Variants in NFIB observed in about 807,000 individuals in gnomAD.
The protein encoded by NFIB is nuclear factor I B.
NFIB carries 11 observed loss-of-function variants against 61.5 expected under a neutral mutation model. The observed-to-expected ratio is 0.18, with a 90% CI of 0.11 to 0.30. The LOEUF is 0.30. Ranked by LOEUF, NFIB falls within the 10% of genes least tolerant of loss-of-function variation. NFIB has a pLI of 1.00. For missense variants in NFIB, 471 were observed against 608.9 expected (o/e 0.77, Z 2.38); for synonymous variants, 260 against 216.5 (o/e 1.20, Z -1.76).
chr9:14,089,340 C>T (rs10961377), intron 10 of NFIB, among the ~76,000 whole-genome samples: 7,464 of 148,856 alleles, frequency 0.05, 559 homozygotes, highest in East Asian at 0.35. Context: ...GTTCAACTTT[C>T]GCCTATGCTG....
chr9:14,322,330 CATGTAT>C (rs2060681487), intron 1 of NFIB: 15 of 272,392 alleles, frequency 5.5e-5, no homozygotes, highest in Non-Finnish European at 8.9e-5. Flanking sequence ...TGCGTGTGTG[CATGTAT>C]GTGTGTGTGT....
At chr9:14,134,928 G>GAAAAA (rs2040864413) in intron 6 of NFIB, among the ~76,000 whole-genome samples, 1 of 126,178 alleles carries the variant, frequency 7.9e-6, no homozygotes, top group South Asian at 2.9e-4. Flanking sequence ...AAAGGAAATT[G>GAAAAA]AAGGATATGG....
chr9:14,474,784 T>C, the NFIB span, among the ~76,000 whole-genome samples: 4 of 152,174 alleles, frequency 2.6e-5, no homozygotes, highest in Non-Finnish European at 5.9e-5. Flanking sequence ...CAAATTCCAT[T>C]AGACCTTAAG....
intron 2 of NFIB, among the ~76,000 whole-genome samples, chr9:14,232,777 T>A (rs924655261): frequency 1.3e-5 from 2 of 152,236 alleles, no homozygotes; most frequent in Non-Finnish European, 2.9e-5. Context: ...AGCAAGTTCT[T>A]ATAATGAGTT....
At chr9:14,365,651 A>G (rs1168222547) in intron 1 of NFIB, among the ~76,000 whole-genome samples, 3 of 152,188 alleles carry the variant, frequency 2.0e-5, no homozygotes, top group African/African-American at 7.2e-5. Flanking sequence ...GACTGGCTGG[A>G]TTTTCTATTC....
rs376457276 is a variant in NFIB at position 14,271,409 on chromosome 9, C to T, written c.562+35580G>A. ...GAAAGAGTACTTTAGAAAAACTGTG[C>T]AGCTATTAGCAAGTGAAGCACAAGG... On this transcript the variant is annotated intron_variant, in intron 2 of 10. Coordinates refer to ENST00000380953, the MANE Select transcript of NFIB (RefSeq NM_001190737.2). Among the ~76,000 whole-genome samples, 7 of 152,198 alleles carry T rather than the reference C, an allele frequency of 4.6e-5. No individual in the cohort carries two copies. The East Asian group carries it at 5.8e-4, about 13-fold the overall frequency.
chr9:14,291,345 T>C (rs1271011170), intron 2 of NFIB, among the ~76,000 whole-genome samples: 1 of 151,800 alleles, frequency 6.6e-6, no homozygotes, highest in Non-Finnish European at 1.5e-5. Flanking sequence ...ATTAGCCAGG[T>C]GTGGTGGTAT....
intron 2 of NFIB, among the ~76,000 whole-genome samples, chr9:14,282,833 G>T (rs1344003431): frequency 6.6e-6 from 1 of 152,168 alleles, no homozygotes; most frequent in Non-Finnish European, 1.5e-5. Context: ...TCAAATACTT[G>T]TTCCTCCTTT....
chr9:14,152,271 G>C (rs561917381), intron 4 of NFIB, among the ~76,000 whole-genome samples: 6 of 152,190 alleles, frequency 3.9e-5, no homozygotes, highest in African/African-American at 1.4e-4. Flanking sequence ...TGTATCCAAT[G>C]AGTAACTAAG....
chr9:14,213,847 C>G (rs1017510470), intron 2 of NFIB, among the ~76,000 whole-genome samples: 1 of 152,106 alleles, frequency 6.6e-6, no homozygotes, highest in Non-Finnish European at 1.5e-5. Flanking sequence ...TCCCTGTGTC[C>G]TAAAACTGTA....
rs1291042539 is a variant in NFIB, at chr9:14,307,025, G to T, written c.526C>A (p.Leu176Ile). 1 of 1,614,130 alleles carries T rather than the reference G, an allele frequency of 6.2e-7. No homozygotes were observed. The highest frequency in any genetic ancestry group is 1.1e-5 in the South Asian group (1 of 91,072). Residue 176 changes from leucine to isoleucine, a missense_variant, in exon 2 of 11, where the codon CTT (leucine) becomes ATT (isoleucine). Transcript: ENST00000380953. This position sits in a 1 kb window ranked among gnomAD's most constrained non-coding sequence, Gnocchi z 5.3. ...ACGTAGTATGCCAAAAACAAATCAA[G>T]CTCCTTAACTGATACTGTGATATGA... Reference protein sequence around the residue: ...PHHITVSVKELDLFLAYYVQE... With the variant: ...PHHITVSVKEIDLFLAYYVQE...
At chr9:14,097,994 C>A (rs2035137361) in intron 10 of NFIB, among the ~76,000 whole-genome samples, 1 of 147,632 alleles carries the variant, frequency 6.8e-6, no homozygotes, top group Non-Finnish European at 1.5e-5. Context: ...TAATAAACGA[C>A]AATTTCTTAG....
At chr9:14,295,451 C>T (rs945224466) in intron 2 of NFIB, among the ~76,000 whole-genome samples, 2 of 151,884 alleles carry the variant, frequency 1.3e-5, no homozygotes, top group Admixed American at 1.3e-4. Flanking sequence ...ACTGTGAAAC[C>T]CCGTCTCTAC....
the NFIB span, among the ~76,000 whole-genome samples, chr9:14,453,535 C>A: frequency 6.6e-6 from 1 of 152,156 alleles, no homozygotes; most frequent in African/African-American, 2.4e-5. Context: ...GGTATGGAGA[C>A]AGAATTACAA....
chr9:14,267,348 T>A (rs370546975), intron 2 of NFIB, among the ~76,000 whole-genome samples: 22 of 152,328 alleles, frequency 1.4e-4, no homozygotes, highest in African/African-American at 4.8e-4. Flanking sequence ...GCAAAATGCT[T>A]CTTATAGATA....
At chr9:14,445,323 A>T in the NFIB span, among the ~76,000 whole-genome samples, 1 of 152,030 alleles carries the variant, frequency 6.6e-6, no homozygotes, top group South Asian at 2.1e-4. Flanking sequence ...TAGAATCTAC[A>T]GTACAAGTTT....
At chr9:14,337,284 T>G (rs1357317267) in intron 1 of NFIB, among the ~76,000 whole-genome samples, 2 of 152,196 alleles carry the variant, frequency 1.3e-5, no homozygotes, top group Non-Finnish European at 2.9e-5. Flanking sequence ...TGCATTGTAT[T>G]ATTTATATAC....
chr9:14,280,572 AAC>A, intron 2 of NFIB, among the ~76,000 whole-genome samples: 1 of 152,154 alleles, frequency 6.6e-6, no homozygotes, highest in Non-Finnish European at 1.5e-5. Flanking sequence ...TTCAATTTAT[AAC>A]ACACCTTAAA....
At chr9:14,491,067 A>T in the NFIB span, among the ~76,000 whole-genome samples, 44 of 152,218 alleles carry the variant, frequency 2.9e-4, no homozygotes, top group African/African-American at 1.0e-3. Context: ...TGGGCTTGGA[A>T]GCTAGTCCAT....
Sources: allele counts gnomAD v4.1 joint callset (sites outside exome capture counted in the v4.1 genomes callset), GRCh38; gene constraint gnomAD v4.1.1; non-coding constraint Gnocchi (gnomAD v3.1); transcripts MANE v1.5; gene names NCBI Gene and HGNC (gene_info 2026-07-23, HGNC 2026-07-21).